The following NEGR1 variants were observed in gnomAD, a reference collection of about 807,000 sequenced individuals.
NEGR1 encodes neuronal growth regulator 1, also known as IgLON family member 4.
A neutral mutation model predicts 40.9 loss-of-function variants in NEGR1; 10 were observed. The ratio of observed to expected loss-of-function variants is 0.24; its 90% CI spans 0.15 to 0.42. NEGR1 has a LOEUF of 0.42. Among genes scored for constraint, NEGR1 ranks in the 10% least tolerant of loss-of-function variants. The pLI, the probability that NEGR1 is intolerant of heterozygous loss-of-function variation, is 1.00. For synonymous variants in NEGR1, 185 were observed against 166.8 expected, an observed-to-expected ratio of 1.11 and a Z score of -0.84; for missense variants, 352 against 438.9, an observed-to-expected ratio of 0.80 and a Z score of 1.77.
At chr1:72,057,202 A>G (rs1440249987) in intron 1 of NEGR1, among the ~76,000 whole-genome samples, 1 of 151,608 alleles carries the variant, frequency 6.6e-6, no homozygotes, top group Non-Finnish European at 1.5e-5. Flanking sequence ...TAATTACACA[A>G]ATTACTTACA....
At chr1:72,051,608 A>G (rs995639095) in intron 1 of NEGR1, among the ~76,000 whole-genome samples, 1 of 151,476 alleles carries the variant, frequency 6.6e-6, no homozygotes, top group African/African-American at 2.4e-5. Flanking sequence ...TGAAAAGTTT[A>G]TTTGCCAAGA....
rs1557439427 is a variant in NEGR1 at position 71,928,466 on chromosome 1, T to TATATATGTATATATACACACA, written c.409+6612_409+6613insTGTGTGTATATATACATATAT. Among the ~76,000 whole-genome samples the TATATATGTATATATACACACA allele has an allele frequency of 1.0e-4, 9 of 86,554 alleles. No individual in the cohort carries two copies. In the East Asian group the frequency reaches 3.9e-3, roughly 38 times the overall value. 56.8% of individuals were successfully genotyped at this position (86,554 alleles called of 152,430 possible). ...TATATATGTATATATACACACATACTTATATATACACATATATATGTATAT... is the reference window on the plus strand; with the variant it reads ...TATATATGTATATATACACACATACTATATATGTATATATACACACATATATATACACATATATATGTATAT... On this transcript the variant is annotated intron_variant, in intron 2 of 6. Transcript: ENST00000357731.
chr1:72,156,041 T>C (rs1033057853), intron 1 of NEGR1, among the ~76,000 whole-genome samples: 5 of 152,074 alleles, frequency 3.3e-5, no homozygotes, highest in African/African-American at 4.8e-5. Context: ...TACAAGAAAA[T>C]GATCTAAGCC....
At chr1:71,520,758 T>C (rs1203470804) in intron 6 of NEGR1, among the ~76,000 whole-genome samples, 2 of 152,002 alleles carry the variant, frequency 1.3e-5, no homozygotes, top group East Asian at 3.9e-4. Context: ...CTATAGCTCC[T>C]ATTTAGTGTC....
At chr1:71,432,976 C>A (rs1646479570) in intron 6 of NEGR1, among the ~76,000 whole-genome samples, 1 of 152,158 alleles carries the variant, frequency 6.6e-6, no homozygotes, top group African/African-American at 2.4e-5. Flanking sequence ...AAGGGCCTTG[C>A]CTCCCATAAA....
At chr1:71,824,731 T>C (rs1557666735) in intron 2 of NEGR1, among the ~76,000 whole-genome samples, 1 of 151,936 alleles carries the variant, frequency 6.6e-6, no homozygotes, top group Non-Finnish European at 1.5e-5. Context: ...TTACCATAAA[T>C]AGTTTGGGCT....
chr1:71,604,770 T>G (rs570249544), intron 5 of NEGR1, among the ~76,000 whole-genome samples: 82 of 152,264 alleles, frequency 5.4e-4, no homozygotes, highest in African/African-American at 1.9e-3. Flanking sequence ...ATGCATATTT[T>G]ATGCACCTAG....
chr1:72,171,411 T>C (rs139557959), intron 1 of NEGR1, among the ~76,000 whole-genome samples: 1 of 152,314 alleles, frequency 6.6e-6, no homozygotes, highest in East Asian at 1.9e-4. Flanking sequence ...ATTGGGATTC[T>C]ATCAAAGAAA....
At chr1:72,013,384 A>T (rs1257362115) in intron 1 of NEGR1, among the ~76,000 whole-genome samples, 1 of 152,104 alleles carries the variant, frequency 6.6e-6, no homozygotes, top group Non-Finnish European at 1.5e-5. Flanking sequence ...AGTCTCATCC[A>T]GTGCTCTGGG....
intron 1 of NEGR1, 89 bp downstream of exon 1, chr1:72,282,230 T>C: frequency 7.0e-7 from 1 of 1,425,942 alleles, no homozygotes; most frequent in East Asian, 2.3e-5. Flanking sequence ...CCAGCATTAT[T>C]GCTTGTGTTA....
chr1:71,637,778 T>C (rs1337134037), intron 4 of NEGR1, among the ~76,000 whole-genome samples: 10 of 151,886 alleles, frequency 6.6e-5, no homozygotes, highest in Non-Finnish European at 1.5e-5. Context: ...TCATTGGCGG[T>C]AGGCATGGAG....
At chr1:72,152,165 C>A (rs755094420) in intron 1 of NEGR1, among the ~76,000 whole-genome samples, 14 of 151,832 alleles carry the variant, frequency 9.2e-5, no homozygotes, top group Non-Finnish European at 1.5e-4. Context: ...AAATCATATT[C>A]TTTGACCATA....
At chr1:71,904,735 G>A (rs1661230484) in intron 2 of NEGR1, among the ~76,000 whole-genome samples, 1 of 152,044 alleles carries the variant, frequency 6.6e-6, no homozygotes, top group Admixed American at 6.6e-5. Context: ...TGCTTATTTA[G>A]TATCCACCCA....
chr1:72,207,713 C>T (rs76923802), intron 1 of NEGR1, among the ~76,000 whole-genome samples: 5,822 of 151,694 alleles, frequency 0.038, 350 homozygotes, highest in African/African-American at 0.13. Flanking sequence ...AATGTATCAT[C>T]GTGCTCAGTA....
intron 1 of NEGR1, among the ~76,000 whole-genome samples, chr1:72,211,240 C>A (rs1212201090): frequency 1.3e-5 from 2 of 151,532 alleles, no homozygotes; most frequent in Non-Finnish European, 3.0e-5. Context: ...CATGGTAATA[C>A]CTTAAATGAA....
At chr1:72,248,711 T>C (rs1010367292) in intron 1 of NEGR1, among the ~76,000 whole-genome samples, 7 of 151,090 alleles carry the variant, frequency 4.6e-5, no homozygotes, top group African/African-American at 1.7e-4. Context: ...GCCTCCCTAG[T>C]AGCTGGGACT....
chr1:72,233,525 T>G (rs537801223), intron 1 of NEGR1, among the ~76,000 whole-genome samples: 4 of 152,212 alleles, frequency 2.6e-5, no homozygotes, highest in African/African-American at 9.6e-5. Context: ...ACCTCATGCT[T>G]ATAAGTAAAA....
At chr1:71,816,599 A>T (rs1658224333) in intron 2 of NEGR1, among the ~76,000 whole-genome samples, 2 of 151,986 alleles carry the variant, frequency 1.3e-5, no homozygotes, top group African/African-American at 4.8e-5. Context: ...CCAAGATTCA[A>T]TTACCTCCCT....
At chr1:71,898,981 CATATATATATATATATATAT>C (rs55674579) in intron 2 of NEGR1, among the ~76,000 whole-genome samples, 49 of 51,304 alleles carry the variant, frequency 9.6e-4, no homozygotes, top group African/African-American at 1.8e-3. Flanking sequence ...ATATATATAG[CATATATATATATATATATAT>C]ATATATATAT....
Sources: gnomAD v4.1 joint callset for allele counts (sites outside exome capture counted in the v4.1 genomes callset) on GRCh38, gnomAD v4.1.1 for gene constraint, MANE v1.5 for transcripts, NCBI Gene and HGNC (gene_info 2026-07-23, HGNC 2026-07-21) for gene names.